Variants in RAD18 observed in about 807,000 individuals in gnomAD.
The protein encoded by RAD18 is RAD18 E3 ubiquitin protein ligase, also known as E3 ubiquitin-protein ligase RAD18.
A neutral mutation model predicts 60.4 loss-of-function variants in RAD18; 47 were observed. The observed-to-expected ratio is 0.78, with a 90% CI of 0.62 to 0.99. The LOEUF is 0.99. RAD18 is among the 50% of genes least tolerant of loss of function. The pLI, the probability that RAD18 is intolerant of heterozygous loss-of-function variation, is 0.00. For missense variants in RAD18, 640 were observed against 593.3 expected (o/e 1.08, Z -0.82); for synonymous variants, 225 against 195.5 (o/e 1.15, Z -1.26).
chr3:8,954,088 G>A (rs761375799), intron 2 of RAD18, among the ~76,000 whole-genome samples: 11 of 152,206 alleles, frequency 7.2e-5, no homozygotes, highest in Non-Finnish European at 1.3e-4. Context: ...ATATAATTAT[G>A]CAGAGCTGCA....
chr3:8,878,810 T>C lies in RAD18; in HGVS notation c.*2547A>G, dbSNP rs1362796212. The C allele has an allele frequency of 1.3e-5, 2 of 152,248 alleles. No individual in the cohort carries two copies. Among genetic ancestry groups the C allele is most frequent in the African/African-American group, 4.8e-5 (2 of 41,474 alleles). The allele number at this position is 152,248 out of a possible 1,614,324, so 9.4% of individuals were successfully genotyped here. A position where few individuals can be genotyped will look rare whatever the true frequency, so the allele number is the denominator to read the frequency against. The stretch of plus-strand genomic sequence containing the variant: ...CAAACCATAAGCATCACTGCCATTC[T>C]GAGCTGATGTTGATGGGAGATGTTA... On this transcript the variant is annotated 3_prime_UTR_variant, in exon 13 of 13. Transcript: ENST00000264926.
rs576096875 is a variant in RAD18 at position 8,943,293 on chromosome 3, G to T, written c.267-1489C>A. 2.2e-4 allele frequency among the ~76,000 whole-genome samples: 33 copies of T among 151,200 alleles called. No homozygotes were observed. In the South Asian group the frequency reaches 6.5e-3, roughly 30 times the overall value. On this transcript the variant is annotated intron_variant, in intron 4 of 12. Coordinates refer to ENST00000264926, the MANE Select transcript of RAD18 (RefSeq NM_020165.4). ...AGACCCAGAGGTAATCCAAAGAATAGCATCTCTAGGTAAGGACTTCAAACT... is the reference window on the plus strand; with the variant it reads ...AGACCCAGAGGTAATCCAAAGAATATCATCTCTAGGTAAGGACTTCAAACT...
intron 7 of RAD18, among the ~76,000 whole-genome samples, chr3:8,919,487 GACAAA>G (rs1014992545): frequency 1.3e-5 from 2 of 152,152 alleles, no homozygotes; most frequent in Non-Finnish European, 2.9e-5. Flanking sequence ...ATGCTCTGGA[GACAAA>G]ACAAAACTGC....
intron 10 of RAD18, among the ~76,000 whole-genome samples, chr3:8,899,987 A>G (rs1446487062): frequency 6.6e-6 from 1 of 152,204 alleles, no homozygotes; most frequent in Non-Finnish European, 1.5e-5. Context: ...TACAATTGTC[A>G]AGGTTTGATT....
At chr3:8,917,088 T>C (rs1940214298) in intron 7 of RAD18, among the ~76,000 whole-genome samples, 2 of 151,976 alleles carry the variant, frequency 1.3e-5, no homozygotes, top group Non-Finnish European at 2.9e-5. Flanking sequence ...AAAAGACACA[T>C]TATATAAAGA....
Position 8,913,730 on chromosome 3 carries a change from TAAG to T in RAD18, c.890-13_890-11del. On this transcript the variant is annotated splice_polypyrimidine_tract_variant and intron_variant, in intron 7 of 12. Transcript: ENST00000264926. ...CGAACTATTTCAGCAGCTGTTAAAATAAGAAAATAACCACTAGGTTAATCACAT... is the reference window on the plus strand; with the variant it reads ...CGAACTATTTCAGCAGCTGTTAAAATAAAATAACCACTAGGTTAATCACAT... The T allele has an allele frequency of 6.6e-7, 1 of 1,505,692 alleles. No homozygotes were observed. Among genetic ancestry groups the T allele is most frequent in the African/African-American group, 1.4e-5 (1 of 71,160 alleles). The allele number at this position is 1,505,692 out of a possible 1,614,324, so 93.3% of individuals were successfully genotyped here. A position where few individuals can be genotyped will look rare whatever the true frequency, so the allele number is the denominator to read the frequency against.
intron 6 of RAD18, among the ~76,000 whole-genome samples, chr3:8,938,410 T>TGG (rs2124825781): frequency 6.6e-6 from 1 of 152,348 alleles, no homozygotes; most frequent in Admixed American, 6.5e-5. Flanking sequence ...AATAATACTA[T>TGG]GGCTCTGTCT....
chr3:8,915,740 C>CAGGT (rs1940189191), intron 7 of RAD18, among the ~76,000 whole-genome samples: 2 of 152,020 alleles, frequency 1.3e-5, no homozygotes, highest in African/African-American at 4.8e-5. Flanking sequence ...CCTGCCACCA[C>CAGGT]GCTCAGCTAA....
chr3:8,895,395 C>T (rs1176635874), intron 11 of RAD18, among the ~76,000 whole-genome samples: 1 of 152,194 alleles, frequency 6.6e-6, no homozygotes, highest in Non-Finnish European at 1.5e-5. Context: ...TCACTTCCAA[C>T]TTAGGATATT....
intron 7 of RAD18, 72 bp downstream of exon 7, chr3:8,935,799 T>C: frequency 7.7e-7 from 1 of 1,298,818 alleles, no homozygotes; most frequent in Non-Finnish European, 1.0e-6. Flanking sequence ...TTTTCTATGG[T>C]TTATAATTTC....
At chr3:8,960,788 A>T (rs572672080) in intron 1 of RAD18, among the ~76,000 whole-genome samples, 2 of 152,348 alleles carry the variant, frequency 1.3e-5, no homozygotes, top group South Asian at 4.1e-4. Context: ...AACCAAAGGA[A>T]AATAAGGTAA....
chr3:8,916,111 C>A lies in RAD18; in HGVS notation c.890-2391G>T, dbSNP rs751790779. ...GAAAGGTCAGCAAAAATGTTATCCC[C>A]AGAGCATCGGTTGCTGAGGGAAGTA... On this transcript the variant is annotated intron_variant, in intron 7 of 12. Transcript: ENST00000264926. 7.2e-5 allele frequency among the ~76,000 whole-genome samples: 11 copies of A among 152,252 alleles called. No homozygotes were observed. The East Asian group carries it at 1.4e-3, about 19-fold the overall frequency.
chr3:8,916,591 GA>G (rs1457521723), intron 7 of RAD18, among the ~76,000 whole-genome samples: 7 of 152,112 alleles, frequency 4.6e-5, no homozygotes, highest in African/African-American at 1.7e-4. Context: ...TAGTAGAAAA[GA>G]TGAACAACAT....
At chr3:8,901,655 G>A (rs935220199) in intron 10 of RAD18, among the ~76,000 whole-genome samples, 3 of 152,154 alleles carry the variant, frequency 2.0e-5, no homozygotes, top group Admixed American at 6.5e-5. Context: ...CAGAGGGGAC[G>A]GAAGAGTTGC....
intron 7 of RAD18, among the ~76,000 whole-genome samples, chr3:8,921,631 C>G (rs1940322017): frequency 6.6e-6 from 1 of 151,954 alleles, no homozygotes; most frequent in Non-Finnish European, 1.5e-5. Context: ...CAGAGCAAGA[C>G]CCTATCTTTA....
chr3:8,933,574 T>C (rs926976612), intron 7 of RAD18, among the ~76,000 whole-genome samples: 6 of 152,156 alleles, frequency 3.9e-5, no homozygotes, highest in Non-Finnish European at 8.8e-5. Context: ...CTAATAAAAA[T>C]TGACATTTTA....
intron 12 of RAD18, among the ~76,000 whole-genome samples, chr3:8,885,389 T>C (rs1559752888): frequency 6.6e-6 from 1 of 152,224 alleles, no homozygotes; most frequent in South Asian, 2.1e-4. Context: ...AGATGAAATG[T>C]AGACTATTAA....
chr3:8,915,137 G>A (rs1209600372), intron 7 of RAD18, among the ~76,000 whole-genome samples: 1 of 107,400 alleles, frequency 9.3e-6, no homozygotes, highest in Non-Finnish European at 1.8e-5. Context: ...GACAAAGCGA[G>A]ACTCCGTCTC....
At chr3:8,897,524 G>A (rs1183439415) in intron 11 of RAD18, among the ~76,000 whole-genome samples, 1 of 152,178 alleles carries the variant, frequency 6.6e-6, no homozygotes, top group Non-Finnish European at 1.5e-5. Context: ...AGAACGCCCA[G>A]TTGGACCAGA....
Sources: allele counts gnomAD v4.1 joint callset (sites outside exome capture counted in the v4.1 genomes callset), GRCh38; gene constraint gnomAD v4.1.1; transcripts MANE v1.5; gene names NCBI Gene and HGNC (gene_info 2026-07-23, HGNC 2026-07-21).